Variants in PMPCB observed in about 807,000 individuals in gnomAD.
The protein encoded by PMPCB is mitochondrial-processing peptidase subunit beta.
PMPCB carries 46 observed loss-of-function variants against 61.5 expected under a neutral mutation model. That is an observed-to-expected ratio of 0.75 (90% CI 0.59 to 0.96). The LOEUF is 0.96. Ranked by LOEUF, PMPCB falls within the 40% of genes least tolerant of loss-of-function variation. PMPCB has a pLI of 0.00. For synonymous variants in PMPCB, 191 were observed against 201.6 expected (o/e 0.95, Z 0.44); for missense variants, 590 against 602.4 (o/e 0.98, Z 0.22).
Position 103,300,198 on chromosome 7 carries a change from G to T in PMPCB, c.348G>T (p.Gln116His). The T allele has an allele frequency of 6.2e-7, 1 of 1,612,786 alleles. No homozygotes were observed. The highest frequency in any genetic ancestry group is 2.2e-5 in the East Asian group (1 of 44,838). ...TCAAGGGCACCAAGAAGAGATCCCA[G>T]TTAGATCTGGAACTTGAGATTGAAA... ...MAFKGTKKRS[Q>H]LDLELEIENM... Residue 116 changes from glutamine (Q) to histidine (H), a missense_variant, in exon 4 of 13, where the codon CAG becomes CAT. Physicochemically the swap from Gln to His is conservative, Grantham distance 24 (BLOSUM62 0). Transcript: ENST00000249269.
chr7:103,313,162 T>A lies in PMPCB; in HGVS notation c.*891T>A. ...TGAACATGTTCTCAGACAAGTCTTGTGGTCCACAAGTATTCGCTAAGTGCC... is the reference window on the plus strand; with the variant it reads ...TGAACATGTTCTCAGACAAGTCTTGAGGTCCACAAGTATTCGCTAAGTGCC... On this transcript the variant is annotated 3_prime_UTR_variant, in exon 13 of 13. Transcript: ENST00000249269. 1 of 1,512,646 alleles carries A rather than the reference T, an allele frequency of 6.6e-7. No homozygotes were observed. Among genetic ancestry groups the A allele is most frequent in the Non-Finnish European group, 8.7e-7 (1 of 1,154,272 alleles). The allele number at this position is 1,512,646 out of a possible 1,614,324, so 93.7% of individuals were successfully genotyped here. A position where few individuals can be genotyped will look rare whatever the true frequency, so the allele number is the denominator to read the frequency against.
chr7:103,337,799 A>C, the PMPCB span: 1 of 1,613,446 alleles, frequency 6.2e-7, no homozygotes, highest in Admixed American at 1.7e-5. Flanking sequence ...AGAACTGCAT[A>C]ATGATCTTGG....
chr7:103,312,781 G>C lies in PMPCB; in HGVS notation c.*510G>C, dbSNP rs1188473202. The stretch of plus-strand genomic sequence containing the variant: ...TGATTTCATTATCTGCCAGGGCCTA[G>C]AAAGTTTCTAAGGTTGCTCATTTCT... On this transcript the variant is annotated 3_prime_UTR_variant, in exon 13 of 13. Transcript: ENST00000249269. The C allele has an allele frequency of 2.0e-6, 3 of 1,510,778 alleles. No individual in the cohort carries two copies. Among genetic ancestry groups the C allele is most frequent in the South Asian group, 1.4e-5 (1 of 72,312 alleles). 93.6% of individuals were successfully genotyped at this position (1,510,778 alleles called of 1,614,324 possible). A position where few individuals can be genotyped will look rare whatever the true frequency, so the allele number is the denominator to read the frequency against.
At chr7:103,346,818 ATGTGTGTGTGTGTGTGTGTGTG>A in the PMPCB span, among the ~76,000 whole-genome samples, 3 of 150,074 alleles carry the variant, frequency 2.0e-5, no homozygotes, top group Non-Finnish European at 1.5e-5. Flanking sequence ...AGGCTGAATA[ATGTGTGTGTGTGTGTGTGTGTG>A]TGTGTGTGTG....
chr7:103,311,331 A>C, intron 9 of PMPCB: 1 of 329,086 alleles, frequency 3.0e-6, no homozygotes, highest in East Asian at 5.8e-5. Flanking sequence ...TGACCCACTG[A>C]CTTAACCCAT....
intron 6 of PMPCB, among the ~76,000 whole-genome samples, chr7:103,307,274 TAG>T (rs1475922876): frequency 6.6e-6 from 1 of 152,230 alleles, no homozygotes; most frequent in Non-Finnish European, 1.5e-5. Flanking sequence ...CATTTTTTGC[TAG>T]TTTGGATCCC....
At chr7:103,328,613 A>G (rs1446555518) in intron 12 of PMPCB, among the ~76,000 whole-genome samples, 2 of 152,062 alleles carry the variant, frequency 1.3e-5, no homozygotes, top group African/African-American at 2.4e-5. Flanking sequence ...CCTGGGTGAC[A>G]GAGTGAGACT....
intron 12 of PMPCB, chr7:103,327,284 GA>G (rs749664223): frequency 0.08 from 61,890 of 771,268 alleles, 363 homozygotes; most frequent in African/African-American, 0.16. Flanking sequence ...CATCTGAAAC[GA>G]AAAAAAAAAA....
At chr7:103,302,172 T>C (rs1817469362) in intron 4 of PMPCB, among the ~76,000 whole-genome samples, 1 of 152,208 alleles carries the variant, frequency 6.6e-6, no homozygotes, top group Admixed American at 6.5e-5. Context: ...GGTGTATATG[T>C]GCCACATTTT....
the PMPCB span, chr7:103,344,839 C>A: frequency 1.7e-6 from 1 of 603,788 alleles, no homozygotes; most frequent in Non-Finnish European, 3.0e-6. Context: ...CCAACGTGTG[C>A]GGTAACCTAG....
intron 12 of PMPCB, chr7:103,324,621 C>T (rs1264419309): frequency 1.2e-5 from 16 of 1,281,442 alleles, no homozygotes; most frequent in Admixed American, 3.0e-5. Context: ...AACAGTTCAA[C>T]AAACAATTTA....
the PMPCB span, among the ~76,000 whole-genome samples, chr7:103,346,030 G>A: frequency 6.6e-6 from 1 of 151,878 alleles, no homozygotes; most frequent in Non-Finnish European, 1.5e-5. Flanking sequence ...ATGCTCCAAG[G>A]TGCAAAGTAA....
chr7:103,333,951 ATTTT>A (rs1213072243), downstream of PMPCB, among the ~76,000 whole-genome samples: 2 of 139,498 alleles, frequency 1.4e-5, no homozygotes, highest in Admixed American at 7.1e-5. Context: ...TGTTGTGAAC[ATTTT>A]TTTTTTTTTT....
At position 103,313,975 on chromosome 7, in the gene PMPCB, T is replaced by C; in HGVS notation, c.*1704T>C. The C allele has an allele frequency of 1.0e-6, 1 of 985,392 alleles. No homozygotes were observed. The highest frequency in any genetic ancestry group is 1.2e-6 in the Non-Finnish European group (1 of 829,930). The allele number at this position is 985,392 out of a possible 1,614,324, so 61.0% of individuals were successfully genotyped here. Reference sequence around the variant, plus strand: ...ACTAGAAACTGCGGCCTGTGAGATCTGTTAAAAGTTAAGCCTAGAAACCAA... The same window carrying C: ...ACTAGAAACTGCGGCCTGTGAGATCCGTTAAAAGTTAAGCCTAGAAACCAA... On this transcript the variant is annotated 3_prime_UTR_variant, in exon 13 of 13. Coordinates refer to ENST00000249269, the MANE Select transcript of PMPCB (RefSeq NM_004279.3).
the PMPCB span, chr7:103,342,014 G>T: frequency 7.7e-7 from 1 of 1,305,018 alleles, no homozygotes. Context: ...TATGTTTCAA[G>T]GCAATTAATT....
At chr7:103,329,169 TTAA>T (rs1381661319) in exon 13 of PMPCB, 1 of 333,930 alleles carries the variant, frequency 3.0e-6, no homozygotes, top group Non-Finnish European at 5.7e-6. Context: ...TCACTTACAA[TTAA>T]TAATGCTAGC....
rs555574022 is a variant in PMPCB at position 103,310,531 on chromosome 7, GT to G, written c.1154+62del. 439 of 1,374,352 alleles carry G rather than the reference GT, an allele frequency of 3.2e-4. 2 individuals carry two copies. The African/African-American group carries it at 5.9e-3, about 19-fold the overall frequency. 85.1% of individuals were successfully genotyped at this position (1,374,352 alleles called of 1,614,324 possible). A position where few individuals can be genotyped will look rare whatever the true frequency, so the allele number is the denominator to read the frequency against. The stretch of plus-strand genomic sequence containing the variant: ...TTTGCCTTTAATTCGTTTTAAACTA[GT>G]TTTTTATTTATACTTTATGGTGATT... On this transcript the variant is annotated intron_variant, in intron 9 of 12. Transcript: ENST00000249269.
In PMPCB at chr7:103,303,978, T is replaced by C; in HGVS notation, c.594T>C (p.His198=). The C allele has an allele frequency of 6.2e-7, 1 of 1,614,020 alleles. No homozygotes were observed. Among genetic ancestry groups the C allele is most frequent in the Non-Finnish European group, 8.5e-7 (1 of 1,179,894 alleles). The change falls in exon 5 of 13, where the codon CAT becomes CAC. Residue 198 remains histidine (H), a synonymous_variant. Transcript: ENST00000249269. ...NLQEVVFDYL[H]ATAYQNTALG... ...AAGAAGTTGTTTTTGATTATCTTCA[T>C]GCCACAGCTTATCAAAATACTGCAC...
Position 103,313,745 on chromosome 7 carries a change from T to C in PMPCB, c.*1474T>C, listed in dbSNP as rs1817889633. On this transcript the variant is annotated 3_prime_UTR_variant, in exon 13 of 13. Transcript: ENST00000249269. ...TGTGGTTCTTCAACTAAACCTTGTA[T>C]ATTTCAGAAAACATCTAAGATGTGT... 4.1e-6 allele frequency: 4 copies of C among 985,280 alleles called. No individual in the cohort carries two copies. The highest frequency in any genetic ancestry group is 1.7e-5 in the African/African-American group (1 of 57,370). 61.0% of individuals were successfully genotyped at this position (985,280 alleles called of 1,614,324 possible).
Sources: gnomAD v4.1 joint callset for allele counts (sites outside exome capture counted in the v4.1 genomes callset) on GRCh38, gnomAD v4.1.1 for gene constraint, MANE v1.5 for transcripts, NCBI Gene and HGNC (gene_info 2026-07-23, HGNC 2026-07-21) for gene names.